The following ADGRB3 variants were observed in gnomAD, a reference collection of about 807,000 sequenced individuals.
The protein encoded by ADGRB3 is adhesion G protein-coupled receptor B3, also known as brain-specific angiogenesis inhibitor 3.
ADGRB3 carries 37 observed loss-of-function variants against 193.4 expected under a neutral mutation model. The observed-to-expected ratio is 0.19, with a 90% CI of 0.15 to 0.25. The LOEUF is 0.25. ADGRB3 is among the 10% of genes least tolerant of loss of function. The pLI, the probability that ADGRB3 is intolerant of heterozygous loss-of-function variation, is 1.00. For missense variants in ADGRB3, 1,637 were observed against 1,852.9 expected, an observed-to-expected ratio of 0.88 and a Z score of 2.14; for synonymous variants, 690 against 644.2, an observed-to-expected ratio of 1.07 and a Z score of -1.08.
rs925725741 is a variant in ADGRB3, at chr6:69,261,923, G to A, written c.2814+22697G>A. On this transcript the variant is annotated intron_variant, in intron 20 of 31. Coordinates refer to ENST00000370598, the MANE Select transcript of ADGRB3 (RefSeq NM_001704.3). ...ATATAATATTTTGTAAAATAATTTA[G>A]GTCTAATTTATGATTAGAGGGTCTG... Among the ~76,000 whole-genome samples the A allele has an allele frequency of 2.0e-5, 3 of 151,894 alleles. No individual in the cohort carries two copies. The East Asian group carries it at 5.8e-4, about 29-fold the overall frequency.
At chr6:68,691,796 CT>C (rs1297327198) in intron 3 of ADGRB3, among the ~76,000 whole-genome samples, 1 of 151,518 alleles carries the variant, frequency 6.6e-6, no homozygotes, top group Non-Finnish European at 1.5e-5. Context: ...ATTTCTATTT[CT>C]ACTCTACTTG....
intron 3 of ADGRB3, among the ~76,000 whole-genome samples, chr6:68,716,763 A>ATC (rs1176043526): frequency 6.6e-6 from 1 of 151,664 alleles, no homozygotes; most frequent in Non-Finnish European, 1.5e-5. Flanking sequence ...CATTGCTCTT[A>ATC]ATTCTTTTAC....
intron 8 of ADGRB3, among the ~76,000 whole-genome samples, chr6:68,969,101 A>G (rs1405496307): frequency 6.6e-6 from 1 of 152,078 alleles, no homozygotes; most frequent in African/African-American, 2.4e-5. Context: ...ACTGTAGTTC[A>G]TTACAACAGA....
chr6:68,798,579 T>C (rs1377278226), intron 3 of ADGRB3, among the ~76,000 whole-genome samples: 1 of 152,082 alleles, frequency 6.6e-6, no homozygotes, highest in Admixed American at 6.6e-5. Flanking sequence ...AAATACCTAA[T>C]GTAGGTGACA....
intron 18 of ADGRB3, among the ~76,000 whole-genome samples, chr6:69,234,329 G>C (rs1766215904): frequency 6.6e-6 from 1 of 152,050 alleles, no homozygotes; most frequent in African/African-American, 2.4e-5. Flanking sequence ...CTTTACATAT[G>C]TTTTAAAAGA....
intron 13 of ADGRB3, among the ~76,000 whole-genome samples, chr6:69,019,135 A>G (rs749542547): frequency 6.6e-6 from 1 of 152,038 alleles, no homozygotes; most frequent in African/African-American, 2.4e-5. Flanking sequence ...GTGGTTAAAA[A>G]TTAACAAGCA....
At chr6:68,962,799 T>C (rs1379008921) in intron 8 of ADGRB3, among the ~76,000 whole-genome samples, 2 of 152,202 alleles carry the variant, frequency 1.3e-5, no homozygotes, top group Non-Finnish European at 2.9e-5. Flanking sequence ...TTGATGTTTC[T>C]CATCAACACT....
chr6:68,907,877 A>G (rs1444291156), intron 3 of ADGRB3, among the ~76,000 whole-genome samples: 2 of 151,894 alleles, frequency 1.3e-5, no homozygotes, highest in Non-Finnish European at 2.9e-5. Context: ...GTAACATTTT[A>G]TATGTATCAA....
chr6:68,691,850 A>G (rs1765081922), intron 3 of ADGRB3, among the ~76,000 whole-genome samples: 1 of 151,436 alleles, frequency 6.6e-6, no homozygotes, highest in Non-Finnish European at 1.5e-5. Flanking sequence ...AATTATATAT[A>G]TATATATATA....
At chr6:69,296,398 A>G (rs1181891530) in intron 20 of ADGRB3, among the ~76,000 whole-genome samples, 3 of 152,064 alleles carry the variant, frequency 2.0e-5, no homozygotes, top group African/African-American at 7.2e-5. Flanking sequence ...TTGCTTTCTT[A>G]TCCCACTTCT....
At chr6:69,349,539 T>G (rs1769179072) in intron 26 of ADGRB3, among the ~76,000 whole-genome samples, 1 of 152,176 alleles carries the variant, frequency 6.6e-6, no homozygotes, top group Non-Finnish European at 1.5e-5. Flanking sequence ...TTCATTCATG[T>G]CAATTGTCAT....
chr6:69,100,677 A>G (rs971597889), intron 17 of ADGRB3, among the ~76,000 whole-genome samples: 1 of 151,950 alleles, frequency 6.6e-6, no homozygotes. Flanking sequence ...AAGTTTTTCA[A>G]AAGACAACTT....
chr6:68,874,164 G>C (rs1190644687), intron 3 of ADGRB3, among the ~76,000 whole-genome samples: 1 of 151,954 alleles, frequency 6.6e-6, no homozygotes, highest in Non-Finnish European at 1.5e-5. Context: ...AAAATGATGG[G>C]ATAATTTTAC....
intron 3 of ADGRB3, among the ~76,000 whole-genome samples, chr6:68,777,668 T>TAAA (rs561834409): frequency 0.047 from 3,695 of 77,942 alleles, 211 homozygotes; most frequent in African/African-American, 0.14. Flanking sequence ...CTCTGGGATC[T>TAAA]AAAAAAAAAA....
At chr6:68,926,902 A>C (rs1276573610) in intron 3 of ADGRB3, among the ~76,000 whole-genome samples, 1 of 152,148 alleles carries the variant, frequency 6.6e-6, no homozygotes, top group Non-Finnish European at 1.5e-5. Flanking sequence ...ATGGGGGAAG[A>C]AATGACATAA....
chr6:68,771,756 G>GTGTT (rs2085790641), intron 3 of ADGRB3, among the ~76,000 whole-genome samples: 1 of 152,086 alleles, frequency 6.6e-6, no homozygotes, highest in Non-Finnish European at 1.5e-5. Flanking sequence ...TGTCCTGGGG[G>GTGTT]TGTTAGGTTA....
At chr6:69,232,997 T>C (rs985510935) in intron 17 of ADGRB3, 30 of 441,740 alleles carry the variant, frequency 6.8e-5, no homozygotes, top group Admixed American at 4.0e-4. Context: ...CTGCCGCCGC[T>C]GCCGCTGCTG....
intron 3 of ADGRB3, among the ~76,000 whole-genome samples, chr6:68,648,821 C>A (rs1312723698): frequency 6.7e-6 from 1 of 149,814 alleles, no homozygotes; most frequent in Non-Finnish European, 1.5e-5. Flanking sequence ...TATTTATGTA[C>A]CTAAACACTA....
chr6:68,851,632 T>A (rs551185693), intron 3 of ADGRB3, among the ~76,000 whole-genome samples: 18 of 151,938 alleles, frequency 1.2e-4, no homozygotes, highest in Non-Finnish European at 2.4e-4. Context: ...ATTATAAATA[T>A]CAAAACATCA....
Sources: gnomAD v4.1 joint callset for allele counts (sites outside exome capture counted in the v4.1 genomes callset) on GRCh38, gnomAD v4.1.1 for gene constraint, MANE v1.5 for transcripts, NCBI Gene and HGNC (gene_info 2026-07-23, HGNC 2026-07-21) for gene names.